The following RANBP2 variants were observed in gnomAD, a reference collection of about 807,000 sequenced individuals.
RANBP2 encodes E3 SUMO-protein ligase RanBP2.
Under a neutral mutation model 303.6 loss-of-function variants are expected in RANBP2, and 57 were observed. That is an observed-to-expected ratio of 0.19 (90% CI 0.15 to 0.23). The LOEUF is 0.23. Among genes scored for constraint, RANBP2 ranks in the 10% least tolerant of loss-of-function variants. RANBP2 has a pLI of 1.00. For missense variants in RANBP2, 3,138 were observed against 3,780.8 expected (o/e 0.83, Z 4.46); for synonymous variants, 1,167 against 1,301.5 (o/e 0.90, Z 2.23).
the RANBP2 span, among the ~76,000 whole-genome samples, chr2:109,163,173 C>T: frequency 6.6e-6 from 1 of 152,304 alleles, no homozygotes; most frequent in African/African-American, 2.4e-5. Context: ...GAACTGAGCT[C>T]ACCCCCGAGG....
At chr2:109,288,364 A>C in the RANBP2 span, among the ~76,000 whole-genome samples, 1 of 152,200 alleles carries the variant, frequency 6.6e-6, no homozygotes, top group East Asian at 1.9e-4. Flanking sequence ...GAACAGGAAC[A>C]CTCAGAGGTA....
At chr2:109,675,836 G>A in the RANBP2 span, among the ~76,000 whole-genome samples, 20 of 152,152 alleles carry the variant, frequency 1.3e-4, no homozygotes, top group Admixed American at 9.8e-4. Flanking sequence ...AACTCCAGGC[G>A]GCCCCGGCCC....
chr2:109,335,452 C>T, the RANBP2 span, among the ~76,000 whole-genome samples: 1 of 152,192 alleles, frequency 6.6e-6, no homozygotes, highest in Non-Finnish European at 1.5e-5. Context: ...CTCTCTGCCC[C>T]TCAGGGCTGG....
At chr2:108,780,359 ATTTTT>A (rs869269194) in intron 25 of RANBP2, among the ~76,000 whole-genome samples, 3 of 111,740 alleles carry the variant, frequency 2.7e-5, no homozygotes, top group Non-Finnish European at 5.4e-5. Context: ...CGCCCGGCTA[ATTTTT>A]TTTTTTTTTT....
At chr2:109,727,145 C>T in the RANBP2 span, among the ~76,000 whole-genome samples, 6 of 152,138 alleles carry the variant, frequency 3.9e-5, no homozygotes, top group East Asian at 1.9e-4. Context: ...ATACCTCCCT[C>T]GAAATCAACT....
chr2:109,282,644 C>T, the RANBP2 span, among the ~76,000 whole-genome samples: 542 of 152,294 alleles, frequency 3.6e-3, 1 homozygote, highest in African/African-American at 0.012. Flanking sequence ...GGGAGACGTC[C>T]GGGCACCCTT....
chr2:108,849,662 A>AAAAAAG, the RANBP2 span, among the ~76,000 whole-genome samples: 1 of 152,180 alleles, frequency 6.6e-6, no homozygotes, highest in African/African-American at 2.4e-5. Context: ...TGGTGGCCTC[A>AAAAAAG]AAAAAGAAAA....
chr2:109,598,269 C>T, the RANBP2 span, among the ~76,000 whole-genome samples: 3 of 151,944 alleles, frequency 2.0e-5, no homozygotes, highest in South Asian at 4.2e-4. Context: ...GGTTTCTCCA[C>T]GTTGGTTAGG....
At chr2:108,737,315 C>CTTTTT (rs901321161) in intron 6 of RANBP2, among the ~76,000 whole-genome samples, 1 of 147,304 alleles carries the variant, frequency 6.8e-6, no homozygotes, top group African/African-American at 2.5e-5. Flanking sequence ...ATGTGGGTTC[C>CTTTTT]TTTTTTTCTT....
At chr2:109,450,071 C>T in the RANBP2 span, among the ~76,000 whole-genome samples, 4 of 152,118 alleles carry the variant, frequency 2.6e-5, no homozygotes, top group Non-Finnish European at 5.9e-5. Flanking sequence ...CTGGGCCAGG[C>T]GTGGTGGCTC....
At chr2:109,725,956 C>T in the RANBP2 span, among the ~76,000 whole-genome samples, 1 of 152,022 alleles carries the variant, frequency 6.6e-6, no homozygotes, top group African/African-American at 2.4e-5. Context: ...TGGTCTCAAA[C>T]TCCTGACCGC....
rs4012040 is a variant in RANBP2 at position 108,766,599 on chromosome 2, C to T, written c.6060C>T (p.Pro2020=). 2.8e-4 allele frequency: 445 copies of T among 1,611,612 alleles called. 1 individual carries two copies. The highest frequency in any genetic ancestry group is 3.6e-4 in the Non-Finnish European group (426 of 1,179,780). The change falls in exon 20 of 29, where the codon CCC becomes CCT. Residue 2020 remains proline (P), a synonymous_variant. Coordinates refer to ENST00000283195, the MANE Select transcript of RANBP2 (RefSeq NM_006267.5). ...ATTTTGAACCAGTAGTTCAAATGCC[C>T]GAAAAAGTAGAACTTGTAACAGGAG... ...DIHFEPVVQM[P]EKVELVTGEE...
the RANBP2 span, chr2:109,613,430 A>G: frequency 3.2e-6 from 1 of 309,998 alleles, no homozygotes; most frequent in African/African-American, 2.1e-5. Flanking sequence ...CGGCTGCAAA[A>G]GATGACCGCT....
chr2:109,371,798 T>C, the RANBP2 span: 2 of 826,096 alleles, frequency 2.4e-6, no homozygotes, highest in Non-Finnish European at 4.0e-6. Flanking sequence ...TCCTCCACAA[T>C]AGCCTCTGGC....
the RANBP2 span, among the ~76,000 whole-genome samples, chr2:109,464,520 A>G: frequency 2.0e-5 from 3 of 152,230 alleles, no homozygotes; most frequent in Admixed American, 2.0e-4. Context: ...ACATGCATAC[A>G]TAGCCTTGCA....
At chr2:109,529,118 A>G in the RANBP2 span, among the ~76,000 whole-genome samples, 84 of 152,318 alleles carry the variant, frequency 5.5e-4, no homozygotes, top group African/African-American at 1.9e-3. Flanking sequence ...CGGTGGCTGC[A>G]GGCTGCTGGG....
At chr2:109,013,408 C>T in the RANBP2 span, among the ~76,000 whole-genome samples, 2 of 152,188 alleles carry the variant, frequency 1.3e-5, no homozygotes, top group African/African-American at 4.8e-5. Flanking sequence ...TTTAGAGGCA[C>T]ATCTGACCAC....
chr2:109,664,737 C>A, the RANBP2 span, among the ~76,000 whole-genome samples: 1 of 152,170 alleles, frequency 6.6e-6, no homozygotes, highest in Non-Finnish European at 1.5e-5. Context: ...CAAGACCAGC[C>A]TGGCTAACAT....
At chr2:109,569,112 C>T in the RANBP2 span, among the ~76,000 whole-genome samples, 1 of 151,988 alleles carries the variant, frequency 6.6e-6, no homozygotes, top group Non-Finnish European at 1.5e-5. Flanking sequence ...GACAGTAAAA[C>T]CTCAATGTAA....
Sources: allele counts gnomAD v4.1 joint callset (sites outside exome capture counted in the v4.1 genomes callset), GRCh38; gene constraint gnomAD v4.1.1; transcripts MANE v1.5; gene names NCBI Gene and HGNC (gene_info 2026-07-23, HGNC 2026-07-21).